DYNC2I2: variants seen among roughly 807,000 people sequenced by gnomAD.
DYNC2I2 encodes cytoplasmic dynein 2 intermediate chain 2.
A neutral mutation model predicts 52.0 loss-of-function variants in DYNC2I2; 39 were observed. That is an observed-to-expected ratio of 0.75 (90% CI 0.58 to 0.98). The LOEUF is 0.98. Ranked by LOEUF, DYNC2I2 falls within the 50% of genes least tolerant of loss-of-function variation. The probability of loss-of-function intolerance (pLI) is 0.00; values close to 1 mark genes in which losing one functional copy is unlikely to be tolerated. For synonymous variants in DYNC2I2, 359 were observed against 321.1 expected (o/e 1.12, Z -1.26); for missense variants, 743 against 728.4 (o/e 1.02, Z -0.23).
chr9:128,635,577 G>A (rs985791008), intron 5 of DYNC2I2, 81 bp downstream of exon 5: 35 of 1,310,358 alleles, frequency 2.7e-5, no homozygotes, highest in African/African-American at 1.2e-4. Flanking sequence ...GCCAACGCCC[G>A]GGTGACCTTC....
In DYNC2I2 at chr9:128,634,222, C is replaced by G. The variant is rs1313550523; in HGVS notation, c.1372+4G>C. 1.9e-6 allele frequency: 3 copies of G among 1,613,608 alleles called. No individual in the cohort carries two copies. The Admixed American group carries it at 5.0e-5, about 27-fold the overall frequency. On this transcript the variant is annotated splice_donor_region_variant and intron_variant, in intron 8 of 8. Transcript: ENST00000372715. ...CAGATCCAGGCCTAGCGGCCCCTTC[C>G]TACCTTTCCCAGAGGCAGCTGCAAA...
intron 2 of DYNC2I2, among the ~76,000 whole-genome samples, chr9:128,637,965 G>A (rs933899924): frequency 2.0e-5 from 3 of 152,130 alleles, no homozygotes; most frequent in Non-Finnish European, 2.9e-5. Context: ...GGCCGGGCAC[G>A]ATGGCTCACG....
chr9:128,668,406 T>G, the DYNC2I2 span, among the ~76,000 whole-genome samples: 1 of 151,698 alleles, frequency 6.6e-6, no homozygotes, highest in Non-Finnish European at 1.5e-5. Flanking sequence ...GCCAGGATGG[T>G]CTCCATCTCC....
At chr9:128,680,072 T>G in the DYNC2I2 span, among the ~76,000 whole-genome samples, 1 of 151,990 alleles carries the variant, frequency 6.6e-6, no homozygotes, top group Non-Finnish European at 1.5e-5. Flanking sequence ...CTTTTCTTTT[T>G]TTTTTGAGAC....
At chr9:128,652,340 G>A (rs187671263) in intron 1 of DYNC2I2, among the ~76,000 whole-genome samples, 4 of 149,878 alleles carry the variant, frequency 2.7e-5, no homozygotes, top group East Asian at 3.9e-4. Context: ...GCTGAGGCAG[G>A]AGAATCGCTT....
the DYNC2I2 span, among the ~76,000 whole-genome samples, chr9:128,668,454 CAT>C: frequency 6.6e-6 from 1 of 151,786 alleles, no homozygotes; most frequent in African/African-American, 2.4e-5. Context: ...TGAGCCACTG[CAT>C]TGGGTCGTAA....
rs1338270051 is a variant in DYNC2I2, at chr9:128,633,842, C to T, written c.1513G>A (p.Gly505Ser). The change falls in exon 9 of 9, where the codon GGC becomes AGC. Residue 505 changes from glycine to serine, a missense_variant. By Grantham distance (56) the Gly-to-Ser change is moderately conservative. Coordinates refer to ENST00000372715, the MANE Select transcript of DYNC2I2 (RefSeq NM_052844.4). The stretch of plus-strand genomic sequence containing the variant: ...CTCAGCTGCCACACCTTCACTGTGC[C>T]CTGGGCATCGCCCGCAGCCAAGAGC... ...TQLLAAGDAQ[G>S]TVKVWQLSTE... 1.2e-6 allele frequency: 2 copies of T among 1,613,574 alleles called. No homozygotes were observed. The highest frequency in any genetic ancestry group is 1.7e-6 in the Non-Finnish European group (2 of 1,180,026).
At chr9:128,661,424 G>C, upstream of DYNC2I2, among the ~76,000 whole-genome samples, 1 of 151,704 alleles carries the variant, frequency 6.6e-6, no homozygotes, top group Non-Finnish European at 1.5e-5. Flanking sequence ...TTCAAGACCA[G>C]CCTGGCCAAC....
In DYNC2I2 at chr9:128,656,823, C is replaced by G; in HGVS notation, c.-97G>C. On this transcript the variant is annotated 5_prime_UTR_variant, in exon 1 of 9. Transcript: ENST00000372715. ...AACGGGGAATGTGAGGCTGACGGCG[C>G]CATGTTTGAATTGGTCGCAGCGCCT... 8.0e-7 allele frequency: 1 copy of G among 1,242,670 alleles called. No homozygotes were observed. Among genetic ancestry groups the G allele is most frequent in the Non-Finnish European group, 1.0e-6 (1 of 966,326 alleles). The allele number at this position is 1,242,670 out of a possible 1,614,324, so 77.0% of individuals were successfully genotyped here.
chr9:128,642,957 G>A (rs1217223928), intron 1 of DYNC2I2, among the ~76,000 whole-genome samples: 1 of 152,022 alleles, frequency 6.6e-6, no homozygotes, highest in African/African-American at 2.4e-5. Context: ...AAACAGCAAG[G>A]GAGGCTGTCT....
upstream of DYNC2I2, among the ~76,000 whole-genome samples, chr9:128,659,961 CT>C (rs887321128): frequency 4.7e-5 from 7 of 150,206 alleles, no homozygotes; most frequent in Non-Finnish European, 8.9e-5. Flanking sequence ...CCCAGTTACT[CT>C]GGAGGCTTAG....
chr9:128,643,123 G>A (rs999545549), intron 1 of DYNC2I2, among the ~76,000 whole-genome samples: 1 of 152,204 alleles, frequency 6.6e-6, no homozygotes, highest in Admixed American at 6.6e-5. Flanking sequence ...CGTGGCTCAC[G>A]CCTGTGATTC....
intron 1 of DYNC2I2, among the ~76,000 whole-genome samples, chr9:128,655,183 T>G (rs1167361068): frequency 6.6e-6 from 1 of 151,490 alleles, no homozygotes; most frequent in African/African-American, 2.4e-5. Flanking sequence ...TTATCTAGAA[T>G]TTACAATGCA....
At chr9:128,648,515 G>C (rs1041487149) in intron 1 of DYNC2I2, among the ~76,000 whole-genome samples, 1 of 151,690 alleles carries the variant, frequency 6.6e-6, no homozygotes, top group Middle Eastern at 3.2e-3. Flanking sequence ...GCCAGGCATG[G>C]TGGCTCAGGC....
chr9:128,636,193 A>G, intron 4 of DYNC2I2, 88 bp downstream of exon 4: 1 of 1,533,866 alleles, frequency 6.5e-7, no homozygotes, highest in Non-Finnish European at 8.8e-7. Context: ...TCCGGGCCAA[A>G]GGGCCCATGG....
At chr9:128,638,870 G>T (rs1279593286) in intron 2 of DYNC2I2, among the ~76,000 whole-genome samples, 1 of 152,178 alleles carries the variant, frequency 6.6e-6, no homozygotes, top group African/African-American at 2.4e-5. Context: ...AAGGAACGCA[G>T]CACCAACCCA....
At chr9:128,675,862 G>A in the DYNC2I2 span, among the ~76,000 whole-genome samples, 1 of 152,132 alleles carries the variant, frequency 6.6e-6, no homozygotes, top group African/African-American at 2.4e-5. Flanking sequence ...GCCCCTGGGA[G>A]TCCAGGAAGC....
the DYNC2I2 span, among the ~76,000 whole-genome samples, chr9:128,674,141 G>A: frequency 6.7e-6 from 1 of 150,032 alleles, no homozygotes; most frequent in East Asian, 2.0e-4. Flanking sequence ...TTGTGTGTGT[G>A]TGTCTTGTTT....
At chr9:128,669,869 C>T in the DYNC2I2 span, among the ~76,000 whole-genome samples, 31 of 152,194 alleles carry the variant, frequency 2.0e-4, no homozygotes, top group Admixed American at 1.3e-3. Flanking sequence ...TTAGTAAAGA[C>T]GGGGTTTCAC....
Sources: gnomAD v4.1 joint callset for allele counts (sites outside exome capture counted in the v4.1 genomes callset) on GRCh38, gnomAD v4.1.1 for gene constraint, MANE v1.5 for transcripts, NCBI Gene and HGNC (gene_info 2026-07-23, HGNC 2026-07-21) for gene names.